Variants in GSN observed in about 807,000 individuals in gnomAD.
GSN encodes the protein actin-depolymerizing factor.
Under a neutral mutation model 85.7 loss-of-function variants are expected in GSN, and 56 were observed. The observed-to-expected ratio is 0.65, with a 90% CI of 0.53 to 0.82. GSN has a LOEUF of 0.82. Among genes scored for constraint, GSN ranks in the 40% least tolerant of loss-of-function variants. The probability of loss-of-function intolerance (pLI) is 0.00; values close to 1 mark genes in which losing one functional copy is unlikely to be tolerated. For synonymous variants in GSN, 373 were observed against 399.1 expected, an observed-to-expected ratio of 0.93 and a Z score of 0.78; for missense variants, 857 against 979.8, an observed-to-expected ratio of 0.87 and a Z score of 1.67.
At chr9:121,305,781 G>A (rs539307275) in intron 4 of GSN, among the ~76,000 whole-genome samples, 1 of 152,220 alleles carries the variant, frequency 6.6e-6, no homozygotes, top group African/African-American at 2.4e-5. Context: ...GGCTGGTCTT[G>A]TTTACCACCT....
At chr9:121,323,644 A>G (rs2062783976) in intron 11 of GSN, among the ~76,000 whole-genome samples, 1 of 152,202 alleles carries the variant, frequency 6.6e-6, no homozygotes, top group Non-Finnish European at 1.5e-5. Flanking sequence ...TGCTGGGATG[A>G]CAGGCATGAG....
intron 2 of GSN, among the ~76,000 whole-genome samples, chr9:121,292,958 C>T (rs1556139): frequency 0.035 from 5,303 of 152,256 alleles, 292 homozygotes; most frequent in Admixed American, 0.13. Flanking sequence ...ACTTTGACCC[C>T]GATTTTCCAC....
At chr9:121,314,156 G>T (rs993729199) in intron 7 of GSN, 133 bp downstream of exon 7, 1 of 735,240 alleles carries the variant, frequency 1.4e-6, no homozygotes, top group African/African-American at 1.7e-5. Flanking sequence ...GCTTTCTCAC[G>T]TCTCCAGTGG....
chr9:121,313,780 G>T (rs1311441306), intron 6 of GSN, 154 bp from the exon 7 acceptor site: 1 of 692,510 alleles, frequency 1.4e-6, no homozygotes. Context: ...ATCTGGACAT[G>T]TGAGCAGATG....
intron 6 of GSN, among the ~76,000 whole-genome samples, chr9:121,257,448 G>C (rs896535620): frequency 6.6e-6 from 1 of 152,186 alleles, no homozygotes; most frequent in African/African-American, 2.4e-5. Context: ...TCAGAGCCAG[G>C]CTTCCACGAA....
intron 1 of GSN, among the ~76,000 whole-genome samples, chr9:121,274,708 G>C (rs1420512057): frequency 6.6e-6 from 1 of 152,200 alleles, no homozygotes; most frequent in Non-Finnish European, 1.5e-5. Flanking sequence ...AAATTACTAA[G>C]AGGAAGCTCA....
At chr9:121,296,422 G>A (rs1470917807) in intron 2 of GSN, among the ~76,000 whole-genome samples, 4 of 152,180 alleles carry the variant, frequency 2.6e-5, no homozygotes, top group Non-Finnish European at 4.4e-5. Context: ...GGCCTGCAGA[G>A]GTGACCTGGC....
chr9:121,276,235 G>A (rs2056653075), intron 1 of GSN, among the ~76,000 whole-genome samples: 2 of 152,258 alleles, frequency 1.3e-5, no homozygotes, highest in South Asian at 4.1e-4. Context: ...GTGTGTTCAT[G>A]TGTTAGGTTT....
intron 4 of GSN, chr9:121,310,007 AAG>A (rs1019523545): frequency 2.0e-5 from 3 of 153,202 alleles, no homozygotes; most frequent in East Asian, 1.9e-4. Flanking sequence ...GAGAGAGAGA[AAG>A]AGAGAAAGGA....
intron 4 of GSN, among the ~76,000 whole-genome samples, chr9:121,230,525 TG>T (rs769628000): frequency 2.6e-5 from 4 of 151,612 alleles, no homozygotes; most frequent in Admixed American, 6.6e-5. Flanking sequence ...AGTTGCAATG[TG>T]GGGGATAAGA....
chr9:121,275,022 C>T lies in GSN; in HGVS notation c.-102-6448C>T, dbSNP rs554857063. 2.6e-5 allele frequency among the ~76,000 whole-genome samples: 4 copies of T among 152,296 alleles called. No individual in the cohort carries two copies. In the South Asian group the frequency reaches 6.2e-4, roughly 24 times the overall value. On this transcript the variant is annotated intron_variant, in intron 1 of 17. Coordinates refer to ENST00000432226, the MANE Select transcript of GSN (RefSeq NM_198252.3). ...CATAAAGGTTACAGTAGTCCTTATT[C>T]CTACCAGCCATCCGTGAGAATGGCA...
At chr9:121,300,933 C>T (rs1224498144) in intron 2 of GSN, among the ~76,000 whole-genome samples, 2 of 152,180 alleles carry the variant, frequency 1.3e-5, no homozygotes, top group African/African-American at 4.8e-5. Context: ...TTTGCGAGTG[C>T]ACCCACTTAG....
intron 2 of GSN, among the ~76,000 whole-genome samples, chr9:121,288,402 C>T (rs2058360081): frequency 1.3e-5 from 2 of 152,142 alleles, no homozygotes; most frequent in Admixed American, 1.3e-4. Flanking sequence ...ACCCGAGGAG[C>T]TGGGCACGTG....
intron 2 of GSN, chr9:121,285,474 C>T (rs2057957788): frequency 1.2e-5 from 2 of 167,266 alleles, no homozygotes; most frequent in Admixed American, 6.5e-5. Flanking sequence ...ATCCCCAGCA[C>T]TCAGCACAAG....
intron 11 of GSN, among the ~76,000 whole-genome samples, chr9:121,321,691 C>T (rs1470420612): frequency 6.6e-6 from 1 of 152,178 alleles, no homozygotes. Flanking sequence ...TATCCTCCCA[C>T]ACATATTTTT....
the GSN span, among the ~76,000 whole-genome samples, chr9:121,202,140 C>G: frequency 1.3e-5 from 2 of 152,214 alleles, no homozygotes; most frequent in East Asian, 3.9e-4. Flanking sequence ...AGCTACTGCG[C>G]AGGTCTGCGT....
intron 5 of GSN, among the ~76,000 whole-genome samples, chr9:121,238,330 G>A (rs1295279682): frequency 6.6e-6 from 1 of 152,200 alleles, no homozygotes; most frequent in Non-Finnish European, 1.5e-5. Flanking sequence ...ATGTGGCTGG[G>A]ATAAAAGCAG....
intron 2 of GSN, among the ~76,000 whole-genome samples, chr9:121,298,731 T>G (rs2059449896): frequency 6.6e-6 from 1 of 151,946 alleles, no homozygotes; most frequent in Admixed American, 6.6e-5. Context: ...GGCTGCAGGG[T>G]GAAGGGGAGG....
chr9:121,327,626 T>C, intron 14 of GSN, 144 bp downstream of exon 14: 1 of 704,224 alleles, frequency 1.4e-6, no homozygotes, highest in South Asian at 1.9e-5. Context: ...TAAAAGCAGT[T>C]GCATTAAAAT....
Sources: gnomAD v4.1 joint callset for allele counts (sites outside exome capture counted in the v4.1 genomes callset) on GRCh38, gnomAD v4.1.1 for gene constraint, MANE v1.5 for transcripts, NCBI Gene and HGNC (gene_info 2026-07-23, HGNC 2026-07-21) for gene names.